USP34: variants seen among roughly 807,000 people sequenced by gnomAD.
USP34 encodes ubiquitin carboxyl-terminal hydrolase 34.
In USP34, 70 loss-of-function variants were observed where a neutral mutation model predicts 460.3. The observed-to-expected ratio is 0.15, with a 90% CI of 0.13 to 0.19. The LOEUF (loss-of-function observed/expected upper bound fraction) is 0.19, where lower values mean the gene tolerates loss of function less well. USP34 is among the 10% of genes least tolerant of loss of function. The pLI, the probability that USP34 is intolerant of heterozygous loss-of-function variation, is 1.00. For missense variants in USP34, 3,985 were observed against 4,236.2 expected (o/e 0.94, Z 1.65); for synonymous variants, 1,647 against 1,405.3 (o/e 1.17, Z -3.85).
chr2:61,374,143 G>A (rs745486900), intron 8 of USP34, among the ~76,000 whole-genome samples: 6 of 142,746 alleles, frequency 4.2e-5, no homozygotes, highest in South Asian at 2.2e-4. Flanking sequence ...GCAATAGAGC[G>A]AGACTCCATC....
At chr2:61,224,347 G>A (rs868662552) in intron 62 of USP34, among the ~76,000 whole-genome samples, 7 of 152,096 alleles carry the variant, frequency 4.6e-5, no homozygotes, top group African/African-American at 1.4e-4. Flanking sequence ...CTCTGTCCCT[G>A]CATTTTCTAT....
At chr2:61,357,428 A>T (rs1227998457) in intron 10 of USP34, among the ~76,000 whole-genome samples, 1 of 152,218 alleles carries the variant, frequency 6.6e-6, no homozygotes, top group African/African-American at 2.4e-5. Flanking sequence ...TGTTCAGAGG[A>T]AAATTTTATT....
At chr2:61,364,232 G>C (rs1246713744) in intron 10 of USP34, among the ~76,000 whole-genome samples, 1 of 152,140 alleles carries the variant, frequency 6.6e-6, no homozygotes, top group East Asian at 1.9e-4. Context: ...AATTAGGTAG[G>C]CATGCTTTAG....
intron 2 of USP34, among the ~76,000 whole-genome samples, chr2:61,413,872 A>G (rs1240798820): frequency 6.6e-6 from 1 of 150,492 alleles, no homozygotes; most frequent in African/African-American, 2.5e-5. Context: ...CGGAGGCTGC[A>G]GTGAGCCAAG....
chr2:61,449,235 T>C (rs911472915), intron 1 of USP34, among the ~76,000 whole-genome samples: 8 of 136,304 alleles, frequency 5.9e-5, no homozygotes, highest in African/African-American at 2.0e-4. Context: ...GCAGCCTGGA[T>C]GACAGTGAGA....
chr2:61,337,599 C>A (rs1691462394), intron 18 of USP34, among the ~76,000 whole-genome samples: 1 of 152,078 alleles, frequency 6.6e-6, no homozygotes, highest in Non-Finnish European at 1.5e-5. Flanking sequence ...GGACTACAGG[C>A]ACACACCACC....
intron 34 of USP34, among the ~76,000 whole-genome samples, chr2:61,285,496 A>AG (rs1477216726): frequency 1.3e-5 from 2 of 151,428 alleles, no homozygotes; most frequent in Admixed American, 6.6e-5. Context: ...CAAAAAAAAA[A>AG]AAAAAAAAGT....
At chr2:61,463,269 A>T (rs1431039896) in intron 1 of USP34, among the ~76,000 whole-genome samples, 1 of 152,000 alleles carries the variant, frequency 6.6e-6, no homozygotes, top group Non-Finnish European at 1.5e-5. Context: ...TTGAGGCTGC[A>T]GTGAGCTATA....
chr2:61,294,747 T>G (rs1260168659), intron 32 of USP34, among the ~76,000 whole-genome samples: 2 of 152,114 alleles, frequency 1.3e-5, no homozygotes, highest in Non-Finnish European at 2.9e-5. Context: ...AGAGGGAAAA[T>G]CAGAGCTAAA....
rs1259504896 is a variant in USP34, at chr2:61,395,103, A to AT, written c.603+79dup. The stretch of plus-strand genomic sequence containing the variant: ...CTGATGAGAAACTCAAAAGACATAT[A>AT]TAAATAATAAAACATATGGATGAGG... On this transcript the variant is annotated intron_variant, in intron 4 of 79. Coordinates refer to ENST00000398571, the MANE Select transcript of USP34 (RefSeq NM_014709.4). 4 of 1,448,134 alleles carry AT rather than the reference A, an allele frequency of 2.8e-6. No homozygotes were observed. In the African/African-American group the frequency reaches 5.8e-5, roughly 21 times the overall value. The allele number at this position is 1,448,134 out of a possible 1,614,324, so 89.7% of individuals were successfully genotyped here. A position where few individuals can be genotyped will look rare whatever the true frequency, so the allele number is the denominator to read the frequency against.
rs772110333 is a variant in USP34 at position 61,256,529 on chromosome 2, A to T, written c.6127-51T>A. ...TTTCATATTATTGTTTATAGCATGCAAATATACAAAAGGTGGCAATTACAA... is the reference window on the plus strand; with the variant it reads ...TTTCATATTATTGTTTATAGCATGCTAATATACAAAAGGTGGCAATTACAA... On this transcript the variant is annotated intron_variant, in intron 47 of 79. Transcript: ENST00000398571. 1.1e-5 allele frequency: 15 copies of T among 1,373,460 alleles called. No individual in the cohort carries two copies. The East Asian group carries it at 3.8e-4, about 35-fold the overall frequency. The allele number at this position is 1,373,460 out of a possible 1,614,324, so 85.1% of individuals were successfully genotyped here. A position where few individuals can be genotyped will look rare whatever the true frequency, so the allele number is the denominator to read the frequency against.
At chr2:61,201,381 C>G (rs1045222838) in intron 75 of USP34, among the ~76,000 whole-genome samples, 1 of 151,982 alleles carries the variant, frequency 6.6e-6, no homozygotes, top group Non-Finnish European at 1.5e-5. Flanking sequence ...CCATGCCTAG[C>G]TAATTTTTTT....
intron 27 of USP34, among the ~76,000 whole-genome samples, chr2:61,303,016 T>A (rs1477481474): frequency 2.6e-5 from 4 of 151,920 alleles, no homozygotes; most frequent in Admixed American, 1.3e-4. Flanking sequence ...ACTCAGATGT[T>A]CGCTTATCTC....
chr2:61,223,305 A>C lies in USP34; in HGVS notation c.7596-9T>G. 2.5e-6 allele frequency: 4 copies of C among 1,612,940 alleles called. No homozygotes were observed. The highest frequency in any genetic ancestry group is 3.4e-6 in the Non-Finnish European group (4 of 1,179,630). The stretch of plus-strand genomic sequence containing the variant: ...GTGATAATGTCAAATGCCTGAAAGA[A>C]AATATTAGTGGAAATAAGTTTTTCT... On this transcript the variant is annotated splice_polypyrimidine_tract_variant and intron_variant, in intron 62 of 79. Transcript: ENST00000398571.
intron 6 of USP34, among the ~76,000 whole-genome samples, chr2:61,381,834 C>G (rs752531891): frequency 1.3e-5 from 2 of 152,120 alleles, no homozygotes; most frequent in Non-Finnish European, 2.9e-5. Flanking sequence ...CAAGTTCATA[C>G]TCCCAATTTG....
At chr2:61,450,847 C>G (rs1007973718) in intron 1 of USP34, among the ~76,000 whole-genome samples, 1 of 149,158 alleles carries the variant, frequency 6.7e-6, no homozygotes, top group Non-Finnish European at 1.5e-5. Flanking sequence ...TAAACATAAT[C>G]CAATTTCAAT....
chr2:61,194,309 C>T lies in USP34; in HGVS notation c.9509-1329G>A, dbSNP rs539127873. On this transcript the variant is annotated intron_variant, in intron 75 of 79. Transcript: ENST00000398571. ...GGTGTTTGGCAGCATATACCCACCA[C>T]GGTATCACCACACACATAGGTAAAC... 1.7e-4 allele frequency: 168 copies of T among 985,276 alleles called. 1 individual carries two copies. The highest frequency in any genetic ancestry group is 3.3e-4 in the African/African-American group (19 of 57,342). The allele number at this position is 985,276 out of a possible 1,614,324, so 61.0% of individuals were successfully genotyped here.
intron 27 of USP34, among the ~76,000 whole-genome samples, chr2:61,310,487 A>G (rs990138140): frequency 2.6e-5 from 4 of 151,884 alleles, no homozygotes; most frequent in African/African-American, 4.8e-5. Context: ...AGCAAACAGA[A>G]CAGTAAAAAT....
intron 1 of USP34, among the ~76,000 whole-genome samples, chr2:61,437,747 TG>T (rs35880489): frequency 6.8e-6 from 1 of 146,312 alleles, no homozygotes; most frequent in Non-Finnish European, 1.5e-5. Flanking sequence ...CACTCCAGCC[TG>T]GGCAACAGAG....
Sources: gnomAD v4.1 joint callset for allele counts (sites outside exome capture counted in the v4.1 genomes callset) on GRCh38, gnomAD v4.1.1 for gene constraint, MANE v1.5 for transcripts, NCBI Gene and HGNC (gene_info 2026-07-23, HGNC 2026-07-21) for gene names.